Variants in JHY observed in about 807,000 individuals in gnomAD.
JHY encodes the protein jhy protein homolog.
A neutral mutation model predicts 78.0 loss-of-function variants in JHY; 69 were observed. The ratio of observed to expected loss-of-function variants is 0.88; its 90% confidence interval spans 0.73 to 1.08. The LOEUF (loss-of-function observed/expected upper bound fraction) is 1.08, where lower values mean the gene tolerates loss of function less well. Among genes scored for constraint, JHY ranks in the 50% least tolerant of loss-of-function variants. The probability of loss-of-function intolerance (pLI) is 0.00; values close to 1 mark genes in which losing one functional copy is unlikely to be tolerated. For synonymous variants in JHY, 368 were observed against 342.6 expected, an observed-to-expected ratio of 1.07 and a Z score of -0.82; for missense variants, 944 against 927.8, an observed-to-expected ratio of 1.02 and a Z score of -0.23.
chr11:122,928,378 AT>A (rs1322120423), intron 4 of JHY, among the ~76,000 whole-genome samples: 2 of 152,102 alleles, frequency 1.3e-5, no homozygotes, highest in East Asian at 3.9e-4. Flanking sequence ...TCATTTGAAA[AT>A]TTTTTCTTGA....
intron 3 of JHY, among the ~76,000 whole-genome samples, chr11:122,911,336 C>T (rs1863120488): frequency 6.6e-6 from 1 of 152,138 alleles, no homozygotes; most frequent in Admixed American, 6.5e-5. Flanking sequence ...AATATAAAGT[C>T]ACAAACAGTT....
intron 6 of JHY, among the ~76,000 whole-genome samples, chr11:122,951,766 T>C (rs1459328261): frequency 6.6e-6 from 1 of 152,202 alleles, no homozygotes; most frequent in East Asian, 1.9e-4. Context: ...GAGAGTCCTA[T>C]GCCATCTTCC....
intron 3 of JHY, among the ~76,000 whole-genome samples, chr11:122,914,809 A>T (rs960230388): frequency 5.9e-5 from 9 of 151,918 alleles, no homozygotes; most frequent in African/African-American, 2.2e-4. Context: ...CAGAGTAGGA[A>T]CTCTATAGAT....
chr11:122,937,521 A>G (rs902697945), intron 5 of JHY, among the ~76,000 whole-genome samples: 2 of 151,970 alleles, frequency 1.3e-5, no homozygotes, highest in Non-Finnish European at 2.9e-5. Flanking sequence ...TCTCTTTTTC[A>G]GTATCTCACA....
intron 3 of JHY, among the ~76,000 whole-genome samples, chr11:122,921,232 T>G (rs1863357922): frequency 6.6e-6 from 1 of 152,220 alleles, no homozygotes; most frequent in Admixed American, 6.5e-5. Context: ...ATTTTTAATT[T>G]GTAAACTTTT....
intron 8 of JHY, 48 bp from the exon 9 acceptor site, chr11:122,959,200 C>A (rs747812818): frequency 2.6e-6 from 4 of 1,559,164 alleles, no homozygotes; most frequent in Non-Finnish European, 3.5e-6. Context: ...TTTAAGGAAT[C>A]CAGGCTCACT....
rs1261599911 is a variant in JHY at position 122,898,177 on chromosome 11, C to T, written c.345-5748C>T. ...AAGGGTAAGATCCAGCAGCCTGCTT[C>T]TGTTTTCCTTGCTGCTGTATCTTCT... On this transcript the variant is annotated intron_variant, in intron 2 of 8. Transcript: ENST00000227349. This position sits in a 1 kb window ranked among gnomAD's most constrained non-coding sequence, Gnocchi z 4.4. Among the ~76,000 whole-genome samples the T allele has an allele frequency of 6.6e-6, 1 of 152,190 alleles. No homozygotes were observed. Among genetic ancestry groups the T allele is most frequent in the Non-Finnish European group, 1.5e-5 (1 of 68,028 alleles).
intron 3 of JHY, among the ~76,000 whole-genome samples, chr11:122,923,883 A>AT (rs760512913): frequency 0.042 from 4,262 of 100,512 alleles, 341 homozygotes; most frequent in African/African-American, 0.087. Flanking sequence ...CGCCTGGCTA[A>AT]TTTTTTTTTT....
At chr11:122,887,108 G>C (rs892821559) in intron 2 of JHY, among the ~76,000 whole-genome samples, 1 of 152,154 alleles carries the variant, frequency 6.6e-6, no homozygotes, top group African/African-American at 2.4e-5. Flanking sequence ...TGAAGTGCAT[G>C]GTGTCTGAAG....
At chr11:122,911,930 A>AAAG (rs1863135973) in intron 3 of JHY, among the ~76,000 whole-genome samples, 1 of 149,616 alleles carries the variant, frequency 6.7e-6, no homozygotes, top group African/African-American at 2.5e-5. Context: ...AAAAAAAAAA[A>AAAG]AAAAAGAGAC....
At chr11:122,930,227 C>G (rs1340172515) in intron 4 of JHY, among the ~76,000 whole-genome samples, 1 of 152,072 alleles carries the variant, frequency 6.6e-6, no homozygotes, top group Non-Finnish European at 1.5e-5. Flanking sequence ...ATTACAGGTG[C>G]AGGCCAGCAC....
At position 122,898,467 on chromosome 11, in the gene JHY, C is replaced by T. The variant is rs1339629332; in HGVS notation, c.345-5458C>T. Among the ~76,000 whole-genome samples the T allele has an allele frequency of 1.3e-5, 2 of 152,172 alleles. No homozygotes were observed. The highest frequency in any genetic ancestry group is 2.9e-5 in the Non-Finnish European group (2 of 68,032). Reference sequence around the variant, plus strand: ...TTAAATGGGGGTAATAATAGTACTTCCCTTAACATTGTTCCAAGGAAAAAA... The same window carrying T: ...TTAAATGGGGGTAATAATAGTACTTTCCTTAACATTGTTCCAAGGAAAAAA... On this transcript the variant is annotated intron_variant, in intron 2 of 8. Transcript: ENST00000227349. The surrounding 1 kb of genome is among the most constrained non-coding windows in gnomAD (Gnocchi z 4.4).
At position 122,914,882 on chromosome 11, in the gene JHY, T is replaced by C. The variant is rs17126965; in HGVS notation, c.865-10015T>C. ...CTATTACTACAAGAGCACTTACTTA[T>C]GACAGCATAATTTCAGTTGAACTTT... On this transcript the variant is annotated intron_variant, in intron 3 of 8. Coordinates refer to ENST00000227349, the MANE Select transcript of JHY (RefSeq NM_024806.4). Among the ~76,000 whole-genome samples, 847 of 152,322 alleles carry C rather than the reference T, an allele frequency of 5.6e-3. 8 individuals carry two copies. The highest frequency in any genetic ancestry group is 0.02 in the African/African-American group (815 of 41,576).
At chr11:122,902,227 C>T (rs1251964054) in intron 2 of JHY, among the ~76,000 whole-genome samples, 2 of 151,722 alleles carry the variant, frequency 1.3e-5, no homozygotes, top group African/African-American at 2.4e-5. Context: ...GAGGCTGAAG[C>T]GAGTGGATCA....
intron 2 of JHY, among the ~76,000 whole-genome samples, chr11:122,888,314 A>T (rs951194297): frequency 8.5e-5 from 13 of 152,208 alleles, no homozygotes; most frequent in African/African-American, 3.1e-4. Flanking sequence ...TGAATTAGAG[A>T]CTAAACACAC....
chr11:122,935,177 T>C lies in JHY; in HGVS notation c.1634+102T>C. 2 of 1,100,330 alleles carry C rather than the reference T, an allele frequency of 1.8e-6. No homozygotes were observed. The highest frequency in any genetic ancestry group is 2.5e-6 in the Non-Finnish European group (2 of 787,340). The allele number at this position is 1,100,330 out of a possible 1,614,324, so 68.2% of individuals were successfully genotyped here. On this transcript the variant is annotated intron_variant, in intron 5 of 8. Transcript: ENST00000227349. This position sits in a 1 kb window ranked among gnomAD's most constrained non-coding sequence, Gnocchi z 4.5. ...GGGGAAGGGGAATCCATAAGGTGGCTAGGTGAGAAGAAGAGTTCACCTAAC... is the reference window on the plus strand; with the variant it reads ...GGGGAAGGGGAATCCATAAGGTGGCCAGGTGAGAAGAAGAGTTCACCTAAC...
intron 4 of JHY, 117 bp from the exon 5 acceptor site, chr11:122,934,303 G>T: frequency 1.9e-6 from 1 of 531,184 alleles, no homozygotes; most frequent in Middle Eastern, 7.5e-4. Flanking sequence ...GAGACAGTGA[G>T]ACTCCGTCTC....
intron 3 of JHY, among the ~76,000 whole-genome samples, chr11:122,911,730 A>AC (rs940950043): frequency 6.6e-6 from 1 of 151,270 alleles, no homozygotes; most frequent in African/African-American, 2.4e-5. Flanking sequence ...ACATGGAGAA[A>AC]CCCCATCTCT....
intron 4 of JHY, among the ~76,000 whole-genome samples, chr11:122,933,288 T>A (rs1863674023): frequency 6.6e-6 from 1 of 152,204 alleles, no homozygotes; most frequent in Admixed American, 6.5e-5. Context: ...GCTAAAGAGA[T>A]TTTTTAGTAT....
Sources: allele counts gnomAD v4.1 joint callset (sites outside exome capture counted in the v4.1 genomes callset), GRCh38; gene constraint gnomAD v4.1.1; non-coding constraint Gnocchi (gnomAD v3.1); transcripts MANE v1.5; gene names NCBI Gene and HGNC (gene_info 2026-07-23, HGNC 2026-07-21).